DOCK2: variants seen among roughly 807,000 people sequenced by gnomAD.
DOCK2 encodes the protein dedicator of cytokinesis protein 2.
In DOCK2, 87 loss-of-function variants were observed where a neutral mutation model predicts 248.9. The ratio of observed to expected loss-of-function variants is 0.35; its 90% CI spans 0.29 to 0.42. The LOEUF is 0.42. Among genes scored for constraint, DOCK2 ranks in the 10% least tolerant of loss-of-function variants. The pLI is 1.00. For synonymous variants in DOCK2, 805 were observed against 821.6 expected (o/e 0.98, Z 0.35); for missense variants, 1,747 against 2,300.2 (o/e 0.76, Z 4.92).
intron 5 of DOCK2, among the ~76,000 whole-genome samples, chr5:169,673,385 G>GTA (rs201048623): frequency 9.2e-5 from 14 of 151,406 alleles, no homozygotes; most frequent in South Asian, 6.3e-4. Flanking sequence ...AATCAAGTGT[G>GTA]TATATATATA....
At chr5:169,680,072 C>G (rs1759574907) in intron 6 of DOCK2, among the ~76,000 whole-genome samples, 1 of 152,202 alleles carries the variant, frequency 6.6e-6, no homozygotes, top group South Asian at 2.1e-4. Context: ...CCCTACCCCA[C>G]TCCACAACCC....
rs112611660 is a variant in DOCK2, at chr5:169,671,995, C to CT, written c.321+831dup. On this transcript the variant is annotated intron_variant, in intron 5 of 51. Coordinates refer to ENST00000520908, the MANE Select transcript of DOCK2 (RefSeq NM_004946.3). ...TTGTTCATCTCCACTATACGCTGACCTTTTTTTTTTATTTATTTTTTATTT... is the reference window on the plus strand; with the variant it reads ...TTGTTCATCTCCACTATACGCTGACCTTTTTTTTTTTATTTATTTTTTATTT... Among the ~76,000 whole-genome samples the CT allele has an allele frequency of 7.7e-4, 115 of 149,530 alleles. 1 individual carries two copies. The highest frequency in any genetic ancestry group is 1.1e-3 in the Non-Finnish European group (72 of 67,104).
At chr5:169,741,247 C>T (rs1763287676) in intron 22 of DOCK2, among the ~76,000 whole-genome samples, 1 of 152,138 alleles carries the variant, frequency 6.6e-6, no homozygotes, top group Admixed American at 6.6e-5. Flanking sequence ...AGTGACCTTA[C>T]AGGGAAGGGA....
chr5:169,978,909 A>G (rs980739213), intron 27 of DOCK2, among the ~76,000 whole-genome samples: 6 of 152,062 alleles, frequency 3.9e-5, no homozygotes, highest in African/African-American at 1.2e-4. Flanking sequence ...AACCATCCCA[A>G]TCGGAGCGAG....
intron 17 of DOCK2, 94 bp from the exon 18 acceptor site, chr5:169,713,934 C>G: frequency 1.4e-6 from 2 of 1,386,166 alleles, no homozygotes; most frequent in Non-Finnish European, 1.9e-6. Flanking sequence ...TATGACTCTC[C>G]CCACTTCACA....
Position 170,019,833 on chromosome 5 carries a change from C to G in DOCK2, c.3381+725C>G, listed in dbSNP as rs182606982. Among the ~76,000 whole-genome samples the G allele has an allele frequency of 4.6e-5, 7 of 152,204 alleles. No homozygotes were observed. In the East Asian group the frequency reaches 1.4e-3, roughly 29 times the overall value. Reference sequence around the variant, plus strand: ...AGGAAGGTTGGTCTTTAAGTCCCATCAAGGCTGCCTGAGCCGTTCCCTCAG... The same window carrying G: ...AGGAAGGTTGGTCTTTAAGTCCCATGAAGGCTGCCTGAGCCGTTCCCTCAG... On this transcript the variant is annotated intron_variant, in intron 33 of 51. Transcript: ENST00000520908.
chr5:169,893,270 G>A (rs2113547820), intron 27 of DOCK2, among the ~76,000 whole-genome samples: 1 of 152,260 alleles, frequency 6.6e-6, no homozygotes, highest in Non-Finnish European at 1.5e-5. Flanking sequence ...GAATCTGAAA[G>A]GTCACCTCCA....
chr5:169,911,691 G>A (rs945268435), intron 27 of DOCK2, among the ~76,000 whole-genome samples: 1 of 152,140 alleles, frequency 6.6e-6, no homozygotes, highest in Non-Finnish European at 1.5e-5. Context: ...CCTATAATTA[G>A]CCAAGAAGTT....
chr5:169,947,068 C>A (rs1304865360), intron 27 of DOCK2, among the ~76,000 whole-genome samples: 1 of 152,194 alleles, frequency 6.6e-6, no homozygotes, highest in Non-Finnish European at 1.5e-5. Flanking sequence ...GCCTAACCTG[C>A]AACATACGTT....
chr5:169,748,954 G>T (rs1457894643), intron 23 of DOCK2, among the ~76,000 whole-genome samples: 1 of 152,198 alleles, frequency 6.6e-6, no homozygotes, highest in Non-Finnish European at 1.5e-5. Flanking sequence ...CTGAAACGAT[G>T]TGCCTAAGGC....
chr5:169,939,999 A>T (rs1776169774), intron 27 of DOCK2, among the ~76,000 whole-genome samples: 1 of 152,202 alleles, frequency 6.6e-6, no homozygotes, highest in Non-Finnish European at 1.5e-5. Context: ...CATCTTTCAG[A>T]TCTTACCTCC....
At chr5:169,824,270 T>C (rs964523730) in intron 26 of DOCK2, among the ~76,000 whole-genome samples, 26 of 152,190 alleles carry the variant, frequency 1.7e-4, no homozygotes, top group African/African-American at 6.0e-4. Context: ...GGAAAAAAAC[T>C]ACTTTAAAGT....
Position 169,695,679 on chromosome 5 carries a change from G to A in DOCK2, c.844-124G>A, listed in dbSNP as rs1760575351. On this transcript the variant is annotated intron_variant, in intron 9 of 51. Transcript: ENST00000520908. ...CTATCTTTTCCAGGACTTATTGTAT[G>A]ATTGGTCCATGTATAGCAAGTATTA... 14 of 1,325,346 alleles carry A rather than the reference G, an allele frequency of 1.1e-5. No homozygotes were observed. In the South Asian group the frequency reaches 2.0e-4, roughly 19 times the overall value. The allele number at this position is 1,325,346 out of a possible 1,614,324, so 82.1% of individuals were successfully genotyped here. A position where few individuals can be genotyped will look rare whatever the true frequency, so the allele number is the denominator to read the frequency against.
chr5:169,743,049 A>G (rs538932675), intron 22 of DOCK2, among the ~76,000 whole-genome samples: 1 of 152,312 alleles, frequency 6.6e-6, no homozygotes, highest in South Asian at 2.1e-4. Flanking sequence ...TGTAACAGAG[A>G]TCAAGCGCTA....
At chr5:169,972,586 T>TGATAGATAGATA (rs1554122914) in intron 27 of DOCK2, among the ~76,000 whole-genome samples, 2 of 69,040 alleles carry the variant, frequency 2.9e-5, no homozygotes, top group South Asian at 4.6e-4. Context: ...GATAGATAGA[T>TGATAGATAGATA]GATAGATAGA....
chr5:169,831,827 A>C (rs979141640), intron 26 of DOCK2, among the ~76,000 whole-genome samples: 1 of 152,254 alleles, frequency 6.6e-6, no homozygotes, highest in Non-Finnish European at 1.5e-5. Context: ...AATACAGATG[A>C]AGAAACTTGA....
chr5:169,846,112 A>AT (rs1363393159), intron 27 of DOCK2, among the ~76,000 whole-genome samples: 7 of 152,180 alleles, frequency 4.6e-5, no homozygotes, highest in Non-Finnish European at 7.3e-5. Flanking sequence ...GTTAGTTTCC[A>AT]TTGCTTGGGA....
At chr5:169,925,181 G>A (rs1775368919) in intron 27 of DOCK2, among the ~76,000 whole-genome samples, 1 of 152,184 alleles carries the variant, frequency 6.6e-6, no homozygotes, top group Admixed American at 6.5e-5. Context: ...GGACTCTGTA[G>A]TAGGGAGCTG....
At chr5:169,793,895 C>A (rs1364247875) in intron 25 of DOCK2, among the ~76,000 whole-genome samples, 1 of 152,136 alleles carries the variant, frequency 6.6e-6, no homozygotes, top group African/African-American at 2.4e-5. Flanking sequence ...CATGCAGCTG[C>A]CTTCTCCCCG....
Sources: gnomAD v4.1 joint callset for allele counts (sites outside exome capture counted in the v4.1 genomes callset) on GRCh38, gnomAD v4.1.1 for gene constraint, MANE v1.5 for transcripts, NCBI Gene and HGNC (gene_info 2026-07-23, HGNC 2026-07-21) for gene names.